Variants in PCOLCE2 observed in about 807,000 individuals in gnomAD.
The protein encoded by PCOLCE2 is procollagen C-endopeptidase enhancer 2.
A neutral mutation model predicts 47.0 loss-of-function variants in PCOLCE2; 42 were observed. The observed-to-expected ratio is 0.89, with a 90% CI of 0.70 to 1.16. PCOLCE2 has a LOEUF of 1.16. PCOLCE2 is among the 50% of genes most tolerant of loss of function. The pLI is 0.00. For synonymous variants in PCOLCE2, 169 were observed against 191.7 expected, an observed-to-expected ratio of 0.88 and a Z score of 0.98; for missense variants, 500 against 526.1, an observed-to-expected ratio of 0.95 and a Z score of 0.49.
At chr3:142,857,935 G>A (rs1933098687) in intron 2 of PCOLCE2, among the ~76,000 whole-genome samples, 1 of 152,178 alleles carries the variant, frequency 6.6e-6, no homozygotes, top group African/African-American at 2.4e-5. Context: ...GTATCATTCT[G>A]TCCATCCTCA....
intron 5 of PCOLCE2, among the ~76,000 whole-genome samples, chr3:142,830,365 C>T (rs1229904636): frequency 6.6e-6 from 1 of 152,162 alleles, no homozygotes; most frequent in African/African-American, 2.4e-5. Context: ...TGAACAAATT[C>T]CCACGCCCTG....
Position 142,887,677 on chromosome 3 carries a change from TC to T in PCOLCE2, c.183del (p.Trp61Ter). ...TTTTAAAAAATGCTTACTGTGATTT[TC>T]CAAGTACATTTGCTATTTGGAGGGT... ...GVYPPNSKCT[W>X]KITVPEGKVV... On this transcript the variant is annotated frameshift_variant, in exon 2 of 9. Coordinates refer to ENST00000295992, the MANE Select transcript of PCOLCE2 (RefSeq NM_013363.4). LOFTEE classifies it high-confidence loss of function. The T allele has an allele frequency of 6.5e-7, 1 of 1,549,396 alleles. No individual in the cohort carries two copies. Among genetic ancestry groups the T allele is most frequent in the African/African-American group, 1.4e-5 (1 of 73,768 alleles).
chr3:142,884,835 C>T (rs1030784110), intron 2 of PCOLCE2, among the ~76,000 whole-genome samples: 1 of 152,162 alleles, frequency 6.6e-6, no homozygotes, highest in African/African-American at 2.4e-5. Context: ...GCACTGTCCA[C>T]AAGAAAAATT....
At chr3:142,859,362 C>G (rs559538556) in intron 2 of PCOLCE2, among the ~76,000 whole-genome samples, 11 of 150,334 alleles carry the variant, frequency 7.3e-5, no homozygotes, top group Admixed American at 7.3e-4. Context: ...CACACCTGGC[C>G]CATGTTTTCT....
intron 2 of PCOLCE2, among the ~76,000 whole-genome samples, chr3:142,860,496 C>T: frequency 6.6e-6 from 1 of 152,048 alleles, no homozygotes; most frequent in East Asian, 1.9e-4. Flanking sequence ...GCAACCTCTG[C>T]CTCCCAAGCT....
intron 2 of PCOLCE2, among the ~76,000 whole-genome samples, chr3:142,863,523 A>G (rs1415672996): frequency 6.6e-6 from 1 of 152,190 alleles, no homozygotes. Context: ...AAACTTTTAC[A>G]AGAGAAAACA....
In PCOLCE2 at chr3:142,848,273, T is replaced by C. The variant is rs1387882907; in HGVS notation, c.392A>G (p.Asn131Ser). ...GGCCATGAAGCCATTGCCAGCTGTG[T>C]TGGCATCAGAAATCATCTGCACCAT... Reference protein sequence around the residue: ...KMMVQMISDANTAGNGFMAMF... With the variant: ...KMMVQMISDASTAGNGFMAMF... The change falls in exon 3 of 9, where the codon AAC becomes AGC. Residue 131 changes from asparagine to serine, a missense_variant. Coordinates refer to ENST00000295992, the MANE Select transcript of PCOLCE2 (RefSeq NM_013363.4). 8 of 1,613,990 alleles carry C rather than the reference T, an allele frequency of 5.0e-6. No homozygotes were observed. The highest frequency in any genetic ancestry group is 1.6e-4 in the Middle Eastern group (1 of 6,084).
chr3:142,830,948 G>A (rs1273274275), intron 5 of PCOLCE2, among the ~76,000 whole-genome samples: 1 of 152,172 alleles, frequency 6.6e-6, no homozygotes. Flanking sequence ...TGTCAGCTGT[G>A]CTGAGTGGGG....
At chr3:142,886,510 T>A (rs1432159581) in intron 2 of PCOLCE2, among the ~76,000 whole-genome samples, 2 of 152,220 alleles carry the variant, frequency 1.3e-5, no homozygotes, top group Non-Finnish European at 2.9e-5. Flanking sequence ...AATAACATAA[T>A]GAAATCTGTA....
intron 2 of PCOLCE2, among the ~76,000 whole-genome samples, chr3:142,850,770 AAGG>A (rs2108198662): frequency 6.6e-6 from 1 of 151,648 alleles, no homozygotes; most frequent in African/African-American, 2.4e-5. Flanking sequence ...CAAGCTTTTC[AAGG>A]AGTTTTGCTG....
chr3:142,877,461 G>C (rs907552850), intron 2 of PCOLCE2, among the ~76,000 whole-genome samples: 9 of 152,188 alleles, frequency 5.9e-5, no homozygotes, highest in Non-Finnish European at 5.9e-5. Flanking sequence ...CCTTATTACA[G>C]ACCTGGAAGG....
chr3:142,827,320 G>A, intron 6 of PCOLCE2: 1 of 1,383,042 alleles, frequency 7.2e-7, no homozygotes, highest in Non-Finnish European at 1.0e-6. Context: ...GGTAGGCTTG[G>A]CAAGCCTTCA....
chr3:142,828,872 C>T (rs1392866333), intron 6 of PCOLCE2, among the ~76,000 whole-genome samples: 1 of 152,182 alleles, frequency 6.6e-6, no homozygotes, highest in African/African-American at 2.4e-5. Context: ...TACACGTCCA[C>T]ACCACACAGT....
chr3:142,879,937 C>G (rs1374928207), intron 2 of PCOLCE2, among the ~76,000 whole-genome samples: 2 of 146,388 alleles, frequency 1.4e-5, no homozygotes, highest in African/African-American at 5.1e-5. Context: ...TGCCACTGCA[C>G]TCCAGCCTGG....
intron 1 of PCOLCE2, chr3:142,888,584 C>T (rs557425093): frequency 9.8e-6 from 4 of 407,842 alleles, no homozygotes; most frequent in Admixed American, 4.5e-5. Context: ...CAGGGCCATC[C>T]GGCAGGCCGG....
intron 2 of PCOLCE2, among the ~76,000 whole-genome samples, chr3:142,851,467 AG>A (rs970281760): frequency 3.9e-5 from 6 of 152,158 alleles, no homozygotes; most frequent in African/African-American, 1.4e-4. Context: ...GACATAGGCA[AG>A]GGAGTGACCA....
At chr3:142,824,179 T>C (rs1340134066) in intron 6 of PCOLCE2, among the ~76,000 whole-genome samples, 3 of 151,820 alleles carry the variant, frequency 2.0e-5, no homozygotes, top group Non-Finnish European at 2.9e-5. Context: ...TCTTAAGAAC[T>C]AAGAAGTAGA....
chr3:142,885,645 T>C (rs1308799322), intron 2 of PCOLCE2, among the ~76,000 whole-genome samples: 1 of 152,182 alleles, frequency 6.6e-6, no homozygotes, highest in East Asian at 1.9e-4. Flanking sequence ...CATTTCTTCA[T>C]CTTCTCTGCT....
intron 2 of PCOLCE2, among the ~76,000 whole-genome samples, chr3:142,883,301 G>A (rs977570086): frequency 6.6e-6 from 1 of 151,838 alleles, no homozygotes; most frequent in African/African-American, 2.4e-5. Context: ...GTTTCCTCTG[G>A]TTTGCAGTTA....
Sources: allele counts gnomAD v4.1 joint callset (sites outside exome capture counted in the v4.1 genomes callset), GRCh38; gene constraint gnomAD v4.1.1; transcripts MANE v1.5; gene names NCBI Gene and HGNC (gene_info 2026-07-23, HGNC 2026-07-21).